The following CPA6 variants were observed in gnomAD, a reference collection of about 807,000 sequenced individuals.
The protein encoded by CPA6 is carboxypeptidase A6.
In CPA6, 58 loss-of-function variants were observed where a neutral mutation model predicts 63.3. That is an observed-to-expected ratio of 0.92 (90% CI 0.74 to 1.14). The LOEUF is 1.14. Ranked by LOEUF, CPA6 falls within the 50% of genes most tolerant of loss-of-function variation. The probability of loss-of-function intolerance (pLI) is 0.00; values close to 1 mark genes in which losing one functional copy is unlikely to be tolerated. For synonymous variants in CPA6, 185 were observed against 179.0 expected (o/e 1.03, Z -0.27); for missense variants, 565 against 526.6 (o/e 1.07, Z -0.71).
At chr8:67,541,050 A>G (rs1812693191) in intron 2 of CPA6, among the ~76,000 whole-genome samples, 1 of 151,838 alleles carries the variant, frequency 6.6e-6, no homozygotes, top group Non-Finnish European at 1.5e-5. Flanking sequence ...CACTGGGAAC[A>G]TTTCTGTCTC....
intron 6 of CPA6, among the ~76,000 whole-genome samples, chr8:67,485,745 A>C (rs539116799): frequency 6.6e-6 from 1 of 152,342 alleles, no homozygotes; most frequent in South Asian, 2.1e-4. Flanking sequence ...TCATGGATTT[A>C]CATGTTTTTA....
chr8:67,475,867 CTTTCTTTCTTTCTCCTTTCTTTCTTT>C (rs1811199723), intron 8 of CPA6, among the ~76,000 whole-genome samples: 46 of 83,308 alleles, frequency 5.5e-4, no homozygotes, highest in Admixed American at 9.9e-4. Flanking sequence ...TTCTTTCTTT[CTTTCTTTCTTTCTCCTTTCTTTCTTT>C]CTTTCTTTCT....
At chr8:67,694,448 T>C (rs1199497160) in intron 1 of CPA6, among the ~76,000 whole-genome samples, 2 of 152,222 alleles carry the variant, frequency 1.3e-5, no homozygotes, top group Non-Finnish European at 2.9e-5. Context: ...CTTCCCATCA[T>C]GAACTAAGTG....
chr8:67,643,046 T>G (rs532351694), intron 1 of CPA6, among the ~76,000 whole-genome samples: 2 of 152,158 alleles, frequency 1.3e-5, no homozygotes, highest in Non-Finnish European at 2.9e-5. Context: ...TTAAAACATA[T>G]AAGCAGAAGA....
intron 8 of CPA6, among the ~76,000 whole-genome samples, chr8:67,458,266 G>A (rs1224065907): frequency 2.6e-5 from 4 of 151,970 alleles, no homozygotes; most frequent in Admixed American, 2.6e-4. Flanking sequence ...GTGCAATCTC[G>A]GCTCACTGCA....
intron 1 of CPA6, among the ~76,000 whole-genome samples, chr8:67,706,129 A>T (rs1299438532): frequency 6.6e-6 from 1 of 152,172 alleles, no homozygotes; most frequent in Non-Finnish European, 1.5e-5. Context: ...TTATGAAAAA[A>T]CGTTATACAA....
intron 8 of CPA6, among the ~76,000 whole-genome samples, chr8:67,464,228 C>T (rs967120470): frequency 9.2e-5 from 14 of 152,106 alleles, no homozygotes; most frequent in Non-Finnish European, 1.9e-4. Flanking sequence ...GAGATCGTAT[C>T]TCATTGTAGT....
chr8:67,540,943 A>T (rs1587539024), intron 2 of CPA6, among the ~76,000 whole-genome samples: 1 of 152,260 alleles, frequency 6.6e-6, no homozygotes, highest in South Asian at 2.1e-4. Context: ...GCTGGGCTCC[A>T]TGGGGGTGGG....
intron 1 of CPA6, among the ~76,000 whole-genome samples, chr8:67,700,150 T>C (rs1816994681): frequency 6.6e-6 from 1 of 152,224 alleles, no homozygotes; most frequent in Non-Finnish European, 1.5e-5. Flanking sequence ...AACACTTGAA[T>C]AGACAGCTTT....
At chr8:67,675,247 C>T (rs1243031419) in intron 1 of CPA6, among the ~76,000 whole-genome samples, 1 of 152,122 alleles carries the variant, frequency 6.6e-6, no homozygotes, top group Non-Finnish European at 1.5e-5. Context: ...TACTGGCTCT[C>T]GGCACCTTTC....
At chr8:67,687,206 T>C (rs181985022) in intron 1 of CPA6, among the ~76,000 whole-genome samples, 8 of 152,336 alleles carry the variant, frequency 5.3e-5, no homozygotes, top group African/African-American at 1.9e-4. Flanking sequence ...TACTCAGGAC[T>C]TTCCAGTTTT....
At chr8:67,475,859 CTTTCTTTCTTTCTTTCTTTCTCCTTT>C (rs1811195405) in intron 8 of CPA6, among the ~76,000 whole-genome samples, 14 of 78,856 alleles carry the variant, frequency 1.8e-4, no homozygotes, top group Non-Finnish European at 2.9e-4. Flanking sequence ...TTCTTTCTTT[CTTTCTTTCTTTCTTTCTTTCTCCTTT>C]CTTTCTTTCT....
intron 6 of CPA6, among the ~76,000 whole-genome samples, chr8:67,506,486 T>C (rs1811928831): frequency 6.6e-6 from 1 of 152,204 alleles, no homozygotes. Flanking sequence ...TTTTTAGCTG[T>C]GCCATATATG....
intron 6 of CPA6, among the ~76,000 whole-genome samples, chr8:67,495,347 T>C (rs886298274): frequency 7.9e-5 from 12 of 152,200 alleles, no homozygotes; most frequent in African/African-American, 2.9e-4. Context: ...CAAGTAGAAC[T>C]GCAAATGCAT....
chr8:67,556,927 C>T (rs530528136), intron 2 of CPA6, among the ~76,000 whole-genome samples: 1 of 152,176 alleles, frequency 6.6e-6, no homozygotes, highest in Non-Finnish European at 1.5e-5. Flanking sequence ...GGCCTGAGGC[C>T]GAGCTTCACT....
chr8:67,707,644 C>T (rs533703524), intron 1 of CPA6, among the ~76,000 whole-genome samples: 2 of 152,150 alleles, frequency 1.3e-5, no homozygotes, highest in African/African-American at 2.4e-5. Context: ...TGTGGTGGCT[C>T]AAGCCTGTAA....
intron 1 of CPA6, among the ~76,000 whole-genome samples, chr8:67,654,386 G>T (rs995665668): frequency 6.6e-6 from 1 of 152,100 alleles, no homozygotes; most frequent in African/African-American, 2.4e-5. Context: ...GACTCTTTTT[G>T]TTGGTAAGCT....
intron 2 of CPA6, among the ~76,000 whole-genome samples, chr8:67,568,441 C>T (rs976610361): frequency 1.3e-5 from 2 of 152,106 alleles, no homozygotes; most frequent in East Asian, 3.9e-4. Context: ...ACAAACAACA[C>T]CAGAAATTTG....
At chr8:67,556,075 A>G (rs1813053329) in intron 2 of CPA6, among the ~76,000 whole-genome samples, 1 of 152,218 alleles carries the variant, frequency 6.6e-6, no homozygotes, top group East Asian at 1.9e-4. Context: ...ACCATGCAGA[A>G]CAGAGATGTG....
Sources: allele counts gnomAD v4.1 joint callset (sites outside exome capture counted in the v4.1 genomes callset), GRCh38; gene constraint gnomAD v4.1.1; transcripts MANE v1.5; gene names NCBI Gene and HGNC (gene_info 2026-07-23, HGNC 2026-07-21).